The following SH3RF3 variants were observed in gnomAD, a reference collection of about 807,000 sequenced individuals.
SH3RF3 encodes the protein SH3 domain containing ring finger 3.
In SH3RF3, 29 loss-of-function variants were observed where a neutral mutation model predicts 66.3. That is an observed-to-expected ratio of 0.44 (90% CI 0.33 to 0.60). The LOEUF is 0.60. Ranked by LOEUF, SH3RF3 falls within the 20% of genes least tolerant of loss-of-function variation. SH3RF3 has a pLI of 0.04. For missense variants in SH3RF3, 1,194 were observed against 1,190.9 expected, an observed-to-expected ratio of 1.00 and a Z score of -0.04; for synonymous variants, 583 against 532.0, an observed-to-expected ratio of 1.10 and a Z score of -1.32.
At chr2:109,469,140 C>T (rs953574594) in intron 8 of SH3RF3, among the ~76,000 whole-genome samples, 1 of 152,178 alleles carries the variant, frequency 6.6e-6, no homozygotes, top group Non-Finnish European at 1.5e-5. Context: ...TCTTCTCCAC[C>T]CCAAGAATGC....
At chr2:109,473,533 G>A (rs954144189) in intron 8 of SH3RF3, among the ~76,000 whole-genome samples, 1 of 152,226 alleles carries the variant, frequency 6.6e-6, no homozygotes, top group Non-Finnish European at 1.5e-5. Context: ...GGGTTAGAGC[G>A]ACAGAGAGGA....
chr2:109,427,000 G>A (rs7608829), intron 5 of SH3RF3, among the ~76,000 whole-genome samples: 61,874 of 151,210 alleles, frequency 0.41, 13,013 homozygotes, highest in Admixed American at 0.47. Flanking sequence ...GACGAGTCTC[G>A]CTCTGTCACC....
chr2:109,467,115 C>A (rs1383573744), intron 8 of SH3RF3, among the ~76,000 whole-genome samples: 1 of 152,230 alleles, frequency 6.6e-6, no homozygotes, highest in Non-Finnish European at 1.5e-5. Flanking sequence ...GTTAAACATG[C>A]CACCTGTCAC....
At chr2:109,283,574 G>T (rs967861704) in intron 1 of SH3RF3, among the ~76,000 whole-genome samples, 1 of 152,176 alleles carries the variant, frequency 6.6e-6, no homozygotes, top group South Asian at 2.1e-4. Context: ...CAGGATGGGG[G>T]CACACTTCAG....
In SH3RF3 at chr2:109,241,771, T is replaced by G. The variant is rs1393167437; in HGVS notation, c.574-105903T>G. 6.6e-5 allele frequency among the ~76,000 whole-genome samples: 10 copies of G among 151,232 alleles called. No homozygotes were observed. In the East Asian group the frequency reaches 1.9e-3, roughly 29 times the overall value. Reference sequence around the variant, plus strand: ...TGTTTCCCTAGTGTCTTGAATAATTTTTTTTTTTTTTTGAGATGGAGTCTT... The same window carrying G: ...TGTTTCCCTAGTGTCTTGAATAATTGTTTTTTTTTTTTGAGATGGAGTCTT... On this transcript the variant is annotated intron_variant, in intron 1 of 9. Transcript: ENST00000309415.
rs1444585326 is a variant in SH3RF3 at position 109,425,084 on chromosome 2, G to GT, written c.1403+5445dup. On this transcript the variant is annotated intron_variant, in intron 5 of 9. Coordinates refer to ENST00000309415, the MANE Select transcript of SH3RF3 (RefSeq NM_001099289.3). ...CAGCCTAATTGCTGATACGGAGAATGTTTGAGTGGCCTGGATAGAAGATCA... is the reference window on the plus strand; with the variant it reads ...CAGCCTAATTGCTGATACGGAGAATGTTTTGAGTGGCCTGGATAGAAGATCA... Among the ~76,000 whole-genome samples, 5 of 152,366 alleles carry GT rather than the reference G, an allele frequency of 3.3e-5. No individual in the cohort carries two copies. The South Asian group carries it at 1.0e-3, about 32-fold the overall frequency.
At chr2:109,172,089 C>T (rs370841850) in intron 1 of SH3RF3, among the ~76,000 whole-genome samples, 2 of 152,224 alleles carry the variant, frequency 1.3e-5, no homozygotes, top group Non-Finnish European at 2.9e-5. Flanking sequence ...TTGATATGCA[C>T]GTCATTTCCC....
intron 3 of SH3RF3, among the ~76,000 whole-genome samples, chr2:109,390,193 T>C (rs1456105068): frequency 6.6e-6 from 1 of 152,196 alleles, no homozygotes; most frequent in Admixed American, 6.5e-5. Context: ...TGGCAGTTCT[T>C]GGAGAAAGTG....
intron 1 of SH3RF3, among the ~76,000 whole-genome samples, chr2:109,266,050 G>A (rs936479812): frequency 3.3e-5 from 5 of 152,038 alleles, no homozygotes; most frequent in Admixed American, 1.3e-4. Context: ...TGTGTTGTAT[G>A]TGCATGTGTG....
intron 1 of SH3RF3, among the ~76,000 whole-genome samples, chr2:109,292,836 G>A (rs1485884719): frequency 2.6e-5 from 4 of 152,126 alleles, no homozygotes; most frequent in African/African-American, 7.2e-5. Flanking sequence ...AGGTTAAAGC[G>A]ATTCTCTTGC....
chr2:109,368,070 T>A lies in SH3RF3; in HGVS notation c.850-3516T>A, dbSNP rs567079107. ...ATTAGCCAGGTATGCCATTTTAAAATATGTTTAATGGAAATTTGTTTTTCT... is the reference window on the plus strand; with the variant it reads ...ATTAGCCAGGTATGCCATTTTAAAAAATGTTTAATGGAAATTTGTTTTTCT... On this transcript the variant is annotated intron_variant, in intron 2 of 9. Coordinates refer to ENST00000309415, the MANE Select transcript of SH3RF3 (RefSeq NM_001099289.3). Among the ~76,000 whole-genome samples the A allele has an allele frequency of 2.2e-4, 34 of 152,378 alleles. 1 individual carries two copies. The South Asian group carries it at 6.8e-3, about 31-fold the overall frequency.
In SH3RF3 at chr2:109,464,416, CAT is replaced by C. The variant is rs532951860; in HGVS notation, c.2148+14928_2148+14929del. Among the ~76,000 whole-genome samples the C allele has an allele frequency of 1.0e-3, 158 of 152,296 alleles. 1 individual carries two copies. The highest frequency in any genetic ancestry group is 3.5e-3 in the African/African-American group (147 of 41,572). On this transcript the variant is annotated intron_variant, in intron 8 of 9. Coordinates refer to ENST00000309415, the MANE Select transcript of SH3RF3 (RefSeq NM_001099289.3). ...TACATAACAAAAATACACATACAAA[CAT>C]GACTACATGTACACACATTCGCGTA...
intron 8 of SH3RF3, among the ~76,000 whole-genome samples, chr2:109,454,695 T>C (rs919304176): frequency 6.6e-6 from 1 of 152,146 alleles, no homozygotes; most frequent in Non-Finnish European, 1.5e-5. Flanking sequence ...CAGGGTAGGA[T>C]AGATCTTCAT....
At chr2:109,399,063 G>A (rs1179580430) in intron 4 of SH3RF3, 120 bp downstream of exon 4, 10 of 1,150,232 alleles carry the variant, frequency 8.7e-6, no homozygotes, top group Non-Finnish European at 1.2e-5. Context: ...CTGCCTTTTG[G>A]GGTTGAGTGG....
intron 1 of SH3RF3, among the ~76,000 whole-genome samples, chr2:109,346,624 C>CT (rs11377590): frequency 0.49 from 73,739 of 151,716 alleles, 18,475 homozygotes; most frequent in East Asian, 0.84. Context: ...GCCAGATGGA[C>CT]TTGATGAGAC....
rs114405770 is a variant in SH3RF3 at position 109,250,288 on chromosome 2, C to T, written c.574-97386C>T. On this transcript the variant is annotated intron_variant, in intron 1 of 9. Transcript: ENST00000309415. ...TTTGGAAGCCCTGGGGAAGACATCT[C>T]GCCCATTGCTGGTTGGACAGAGCCA... Among the ~76,000 whole-genome samples the T allele has an allele frequency of 2.7e-3, 403 of 152,042 alleles. 2 individuals carry two copies. The highest frequency in any genetic ancestry group is 9.3e-3 in the African/African-American group (386 of 41,490).
intron 4 of SH3RF3, among the ~76,000 whole-genome samples, chr2:109,411,158 G>A (rs1294195195): frequency 2.0e-5 from 3 of 152,232 alleles, no homozygotes; most frequent in Non-Finnish European, 4.4e-5. Context: ...GTCACAGTCA[G>A]CAACTCTCAA....
chr2:109,409,004 G>A (rs1292120296), intron 4 of SH3RF3, among the ~76,000 whole-genome samples: 1 of 152,188 alleles, frequency 6.6e-6, no homozygotes, highest in African/African-American at 2.4e-5. Flanking sequence ...TGAGGCTTGG[G>A]AAGCCCCGGG....
Position 109,503,491 on chromosome 2 carries a change from G to C in SH3RF3, c.*1820G>C, listed in dbSNP as rs1679449824. On this transcript the variant is annotated 3_prime_UTR_variant, in exon 10 of 10. Transcript: ENST00000309415. Reference sequence around the variant, plus strand: ...TTAATAGACTCAAAGAAGTTGTTCAGAATCAAAGAAGAAAAAGTCTGGCTT... The same window carrying C: ...TTAATAGACTCAAAGAAGTTGTTCACAATCAAAGAAGAAAAAGTCTGGCTT... The C allele has an allele frequency of 6.6e-6, 1 of 152,156 alleles. No homozygotes were observed. Among genetic ancestry groups the C allele is most frequent in the African/African-American group, 2.4e-5 (1 of 41,430 alleles). 9.4% of individuals were successfully genotyped at this position (152,156 alleles called of 1,614,324 possible). A position where few individuals can be genotyped will look rare whatever the true frequency, so the allele number is the denominator to read the frequency against.
Sources: gnomAD v4.1 joint callset for allele counts (sites outside exome capture counted in the v4.1 genomes callset) on GRCh38, gnomAD v4.1.1 for gene constraint, MANE v1.5 for transcripts, NCBI Gene and HGNC (gene_info 2026-07-23, HGNC 2026-07-21) for gene names.